The following MMP16 variants were observed in gnomAD, a reference collection of about 807,000 sequenced individuals.
MMP16 encodes the protein matrix metalloproteinase-16.
In MMP16, 12 loss-of-function variants were observed where a neutral mutation model predicts 67.8. That is an observed-to-expected ratio of 0.18 (90% CI 0.11 to 0.29). MMP16 has a LOEUF of 0.29. MMP16 is among the 10% of genes least tolerant of loss of function. The pLI is 1.00. For synonymous variants in MMP16, 249 were observed against 255.9 expected, an observed-to-expected ratio of 0.97 and a Z score of 0.26; for missense variants, 475 against 765.7, an observed-to-expected ratio of 0.62 and a Z score of 4.48.
chr8:88,100,582 A>T (rs1041290464), intron 6 of MMP16, among the ~76,000 whole-genome samples: 1 of 152,072 alleles, frequency 6.6e-6, no homozygotes, highest in Non-Finnish European at 1.5e-5. Flanking sequence ...TTCCTCAAGG[A>T]TCTAGAAACA....
intron 1 of MMP16, among the ~76,000 whole-genome samples, chr8:88,307,122 A>G (rs1811222578): frequency 6.6e-6 from 1 of 152,178 alleles, no homozygotes; most frequent in South Asian, 2.1e-4. Context: ...TAGCATTCCC[A>G]TATGCCAACA....
intron 3 of MMP16, among the ~76,000 whole-genome samples, chr8:88,176,925 CAA>C (rs887060361): frequency 1.3e-5 from 2 of 151,974 alleles, no homozygotes; most frequent in Non-Finnish European, 2.9e-5. Flanking sequence ...TTAAATTATA[CAA>C]AAAAAGTCTT....
intron 6 of MMP16, among the ~76,000 whole-genome samples, chr8:88,105,395 T>C (rs1809220572): frequency 6.6e-6 from 1 of 151,572 alleles, no homozygotes; most frequent in African/African-American, 2.4e-5. Flanking sequence ...TAACGCATAG[T>C]ATTGCTGTAG....
In MMP16 at chr8:88,253,991, C is replaced by T. The variant is rs547290643; in HGVS notation, c.133-56685G>A. On this transcript the variant is annotated intron_variant, in intron 1 of 9. Coordinates refer to ENST00000286614, the MANE Select transcript of MMP16 (RefSeq NM_005941.5). ...ACCCAAAGTAACATAAATTGTTCTACTATAAAGACACACGTATATGTATGT... is the reference window on the plus strand; with the variant it reads ...ACCCAAAGTAACATAAATTGTTCTATTATAAAGACACACGTATATGTATGT... 6.5e-4 allele frequency among the ~76,000 whole-genome samples: 99 copies of T among 152,122 alleles called. 1 individual carries two copies. The highest frequency in any genetic ancestry group is 2.0e-3 in the African/African-American group (84 of 41,512).
chr8:88,133,997 G>A lies in MMP16; in HGVS notation c.710-15136C>T, dbSNP rs28907608. On this transcript the variant is annotated intron_variant, in intron 4 of 9. Transcript: ENST00000286614. ...TTTTCTGTTGTAAATAAAATGGAATGTAAAAACAAAGAAAAGATAACTAAT... is the reference window on the plus strand; with the variant it reads ...TTTTCTGTTGTAAATAAAATGGAATATAAAAACAAAGAAAAGATAACTAAT... 2.2e-3 allele frequency among the ~76,000 whole-genome samples: 335 copies of A among 151,770 alleles called. 1 individual carries two copies. The highest frequency in any genetic ancestry group is 7.6e-3 in the African/African-American group (316 of 41,470).
intron 1 of MMP16, among the ~76,000 whole-genome samples, chr8:88,313,552 T>G (rs1381982109): frequency 6.6e-6 from 1 of 152,214 alleles, no homozygotes; most frequent in African/African-American, 2.4e-5. Flanking sequence ...TCTTCTTTTT[T>G]CTTTGTGCTT....
intron 6 of MMP16, among the ~76,000 whole-genome samples, chr8:88,082,465 T>C (rs1203088982): frequency 6.6e-6 from 1 of 152,108 alleles, no homozygotes; most frequent in Non-Finnish European, 1.5e-5. Flanking sequence ...AAAGATGCAA[T>C]ACATTACAAA....
chr8:88,053,330 T>C (rs1045724292), intron 8 of MMP16, among the ~76,000 whole-genome samples: 29 of 152,180 alleles, frequency 1.9e-4, no homozygotes, highest in Admixed American at 1.7e-3. Flanking sequence ...TTATTTTAAG[T>C]GATCTTGATT....
chr8:88,208,681 T>C (rs1027445349), intron 1 of MMP16, among the ~76,000 whole-genome samples: 7 of 152,032 alleles, frequency 4.6e-5, no homozygotes, highest in African/African-American at 1.7e-4. Context: ...GATGCCATCA[T>C]TGTTATATAA....
rs575109322 is a variant in MMP16, at chr8:88,179,501, C to T, written c.404+6975G>A. On this transcript the variant is annotated intron_variant, in intron 3 of 9. Coordinates refer to ENST00000286614, the MANE Select transcript of MMP16 (RefSeq NM_005941.5). ...AGAAAAATGATGCTGATCAGAAATG[C>T]ATATCTCTTTAAAAAAGAAAGATCA... Among the ~76,000 whole-genome samples the T allele has an allele frequency of 3.3e-5, 5 of 150,786 alleles. No homozygotes were observed. The East Asian group carries it at 9.7e-4, about 29-fold the overall frequency.
intron 6 of MMP16, among the ~76,000 whole-genome samples, chr8:88,113,041 T>C (rs1809364917): frequency 6.6e-6 from 1 of 151,776 alleles, no homozygotes; most frequent in Admixed American, 6.6e-5. Flanking sequence ...CTGACTATCA[T>C]CGTATAAAAA....
At chr8:88,262,137 A>C (rs183906825) in intron 1 of MMP16, among the ~76,000 whole-genome samples, 5 of 152,324 alleles carry the variant, frequency 3.3e-5, no homozygotes, top group Admixed American at 6.5e-5. Flanking sequence ...CCACAGCTCC[A>C]TTCTCACCAA....
intron 1 of MMP16, among the ~76,000 whole-genome samples, chr8:88,271,453 A>G (rs1563579764): frequency 6.6e-6 from 1 of 151,932 alleles, no homozygotes. Flanking sequence ...TGTGACTCAT[A>G]TCAGTCATTG....
rs760146361 is a variant in MMP16, at chr8:88,041,421, C to A, written c.*40G>T. 2.5e-6 allele frequency: 4 copies of A among 1,570,290 alleles called. No individual in the cohort carries two copies. In the South Asian group the frequency reaches 3.5e-5, roughly 14 times the overall value. On this transcript the variant is annotated 3_prime_UTR_variant, in exon 10 of 10. Coordinates refer to ENST00000286614, the MANE Select transcript of MMP16 (RefSeq NM_005941.5). The surrounding 1 kb of genome is among the most constrained non-coding windows in gnomAD (Gnocchi z 6.0). ...TCTTGTCTTGAATCTCAAGTTACCA[C>A]AAACTCCTGCAAAAGAAAGAAAGAA...
rs1554579464 is a variant in MMP16 at position 88,125,190 on chromosome 8, T to TC, written c.710-6330_710-6329insG. On this transcript the variant is annotated intron_variant, in intron 4 of 9. Transcript: ENST00000286614. ...TAATTAAGTCTGAAAGTCCTGGAGA[T>TC]TTTTTTTTTTTTTACAAAATTAGAA... Among the ~76,000 whole-genome samples the TC allele has an allele frequency of 1.0e-4, 4 of 38,572 alleles. No individual in the cohort carries two copies. The East Asian group carries it at 3.5e-3, about 34-fold the overall frequency. The allele number at this position is 38,572 out of a possible 152,430, so 25.3% of individuals were successfully genotyped here.
intron 4 of MMP16, among the ~76,000 whole-genome samples, chr8:88,120,551 G>C (rs1807807903): frequency 1.3e-5 from 2 of 151,690 alleles, no homozygotes; most frequent in Non-Finnish European, 2.9e-5. Context: ...GCTATCAATG[G>C]GCTAAGTGAA....
intron 7 of MMP16, among the ~76,000 whole-genome samples, chr8:88,062,673 G>C (rs1393948629): frequency 3.3e-5 from 5 of 151,932 alleles, no homozygotes; most frequent in African/African-American, 4.8e-5. Context: ...GGGGGGAGTG[G>C]GGAGGGATAG....
rs138302319 is a variant in MMP16 at position 88,240,075 on chromosome 8, T to C, written c.133-42769A>G. 5.3e-5 allele frequency among the ~76,000 whole-genome samples: 8 copies of C among 152,244 alleles called. No homozygotes were observed. The East Asian group carries it at 1.4e-3, about 26-fold the overall frequency. ...TCAGGGTGTTCACTTACTCACTTAG[T>C]GTTGGGAAGAGCTGTTGAAAGGAGT... On this transcript the variant is annotated intron_variant, in intron 1 of 9. Coordinates refer to ENST00000286614, the MANE Select transcript of MMP16 (RefSeq NM_005941.5).
chr8:88,046,571 T>G, intron 9 of MMP16, 98 bp downstream of exon 9: 1 of 659,342 alleles, frequency 1.5e-6, no homozygotes, highest in Non-Finnish European at 2.6e-6. Flanking sequence ...ATAGCTCTAG[T>G]ATAGCACTTT....
Sources: gnomAD v4.1 joint callset for allele counts (sites outside exome capture counted in the v4.1 genomes callset) on GRCh38, gnomAD v4.1.1 for gene constraint, Gnocchi (gnomAD v3.1) non-coding constraint, MANE v1.5 for transcripts, NCBI Gene and HGNC (gene_info 2026-07-23, HGNC 2026-07-21) for gene names.